Variants in SOX6 observed in about 807,000 individuals in gnomAD.
SOX6 encodes the protein SRY-box transcription factor 6.
A neutral mutation model predicts 97.8 loss-of-function variants in SOX6; 11 were observed. That is an observed-to-expected ratio of 0.11 (90% CI 0.07 to 0.19). SOX6 has a LOEUF of 0.19. SOX6 is among the 10% of genes least tolerant of loss of function. The pLI, the probability that SOX6 is intolerant of heterozygous loss-of-function variation, is 1.00. For missense variants in SOX6, 810 were observed against 1,039.5 expected, an observed-to-expected ratio of 0.78 and a Z score of 3.04; for synonymous variants, 360 against 371.4, an observed-to-expected ratio of 0.97 and a Z score of 0.35.
At chr11:16,060,482 G>C (rs1847920969) in intron 9 of SOX6, among the ~76,000 whole-genome samples, 1 of 151,820 alleles carries the variant, frequency 6.6e-6, no homozygotes, top group South Asian at 2.1e-4. Flanking sequence ...CCTTGAAATA[G>C]AAATCAGAAA....
chr11:16,637,109 AT>A (rs533009162), intron 3 of SOX6, among the ~76,000 whole-genome samples: 1 of 151,774 alleles, frequency 6.6e-6, no homozygotes. Context: ...AAGCTTTTGG[AT>A]TCTTGATCTC....
intron 1 of SOX6, 97 bp from the exon 2 acceptor site, chr11:16,341,349 T>G: frequency 6.7e-7 from 1 of 1,492,598 alleles, no homozygotes; most frequent in Non-Finnish European, 9.0e-7. Context: ...AGGAAAGTTA[T>G]TTAACTTTAG....
At chr11:16,455,818 C>G (rs894373661) in intron 1 of SOX6, among the ~76,000 whole-genome samples, 15 of 151,972 alleles carry the variant, frequency 9.9e-5, no homozygotes, top group African/African-American at 3.6e-4. Context: ...ATATACTTAA[C>G]TATTATATGT....
intron 4 of SOX6, among the ~76,000 whole-genome samples, chr11:16,550,827 A>G (rs1847675581): frequency 6.6e-6 from 1 of 152,244 alleles, no homozygotes; most frequent in African/African-American, 2.4e-5. Flanking sequence ...TAAAGCAACC[A>G]TAATTAAAAA....
intron 3 of SOX6, 65 bp downstream of exon 3, chr11:16,318,381 T>G (rs745768517): frequency 1.2e-5 from 19 of 1,566,842 alleles, no homozygotes; most frequent in Admixed American, 1.7e-5. Context: ...ACTTTTTTTT[T>G]TTTTTTAAGG....
At chr11:16,467,856 A>C (rs1860071324) in intron 1 of SOX6, among the ~76,000 whole-genome samples, 1 of 152,226 alleles carries the variant, frequency 6.6e-6, no homozygotes, top group Non-Finnish European at 1.5e-5. Context: ...AAAGCCAGCT[A>C]TGCCCAATTA....
intron 2 of SOX6, among the ~76,000 whole-genome samples, chr11:16,722,556 C>T (rs1488653490): frequency 6.6e-6 from 1 of 152,002 alleles, no homozygotes; most frequent in African/African-American, 2.4e-5. Context: ...GAGGCTGAGA[C>T]AGGAGAATCA....
At chr11:16,291,491 T>C (rs868284711) in intron 3 of SOX6, among the ~76,000 whole-genome samples, 2 of 151,766 alleles carry the variant, frequency 1.3e-5, no homozygotes, top group African/African-American at 2.4e-5. Flanking sequence ...ACGTTTTTTG[T>C]TGTTGTTGTT....
At chr11:16,289,685 A>G (rs1854853644) in intron 3 of SOX6, among the ~76,000 whole-genome samples, 1 of 152,030 alleles carries the variant, frequency 6.6e-6, no homozygotes, top group African/African-American at 2.4e-5. Flanking sequence ...TTCTAGGTGC[A>G]TCTGGGCTTT....
intron 3 of SOX6, among the ~76,000 whole-genome samples, chr11:16,624,841 T>A (rs757724952): frequency 6.6e-6 from 1 of 152,206 alleles, no homozygotes; most frequent in Non-Finnish European, 1.5e-5. Flanking sequence ...TTCTAGAGGA[T>A]GTGTTTTAGT....
chr11:15,982,469 A>G (rs1019505702), intron 15 of SOX6, among the ~76,000 whole-genome samples: 6 of 152,090 alleles, frequency 3.9e-5, no homozygotes, highest in African/African-American at 1.4e-4. Context: ...TTACATCTGT[A>G]TCATGGGGGA....
chr11:16,243,995 G>A (rs550823023), intron 3 of SOX6, among the ~76,000 whole-genome samples: 2 of 152,032 alleles, frequency 1.3e-5, no homozygotes, highest in African/African-American at 4.8e-5. Context: ...TCATTCACAA[G>A]TCTTTTTATG....
intron 6 of SOX6, among the ~76,000 whole-genome samples, chr11:16,176,059 A>AGACGGACG (rs879303702): frequency 6.4e-5 from 8 of 125,970 alleles, no homozygotes; most frequent in African/African-American, 2.0e-4. Context: ...ATGGACGGAC[A>AGACGGACG]GACGGACGGA....
chr11:16,185,557 A>G (rs1168195050), intron 5 of SOX6, among the ~76,000 whole-genome samples: 3 of 152,148 alleles, frequency 2.0e-5, no homozygotes. Flanking sequence ...TCTGAATTTT[A>G]TTTGCCAATA....
At chr11:16,132,305 AGGAAGGAAGGAAGGAAGGAAG>A (rs1564971872) in intron 6 of SOX6, among the ~76,000 whole-genome samples, 27 of 129,718 alleles carry the variant, frequency 2.1e-4, no homozygotes, top group African/African-American at 7.9e-4. Context: ...GAAGGAAGGA[AGGAAGGAAGGAAGGAAGGAAG>A]GAAGGAAAGA....
At chr11:15,988,264 T>C (rs1465486421) in intron 14 of SOX6, among the ~76,000 whole-genome samples, 1 of 152,160 alleles carries the variant, frequency 6.6e-6, no homozygotes, top group Non-Finnish European at 1.5e-5. Context: ...TTGAGCACAA[T>C]AATTCCAAGC....
intron 3 of SOX6, among the ~76,000 whole-genome samples, chr11:16,275,867 AAAAATAT>A (rs1358274714): frequency 6.6e-6 from 1 of 152,222 alleles, no homozygotes; most frequent in African/African-American, 2.4e-5. Flanking sequence ...ACAAAGGATC[AAAAATAT>A]AAATAGATTC....
chr11:16,201,834 C>T lies in SOX6; in HGVS notation c.536-14879G>A, dbSNP rs1028553976. ...ATTTTTAGTAGAGACGGGGTTTCAC[C>T]GTTTTAGCCGGGATGGTCTCGATCT... On this transcript the variant is annotated intron_variant, in intron 4 of 15. Coordinates refer to ENST00000683767, the MANE Select transcript of SOX6 (RefSeq NM_001367873.1). 2.4e-4 allele frequency among the ~76,000 whole-genome samples: 32 copies of T among 136,104 alleles called. 3 individuals are homozygous for T. Among genetic ancestry groups the T allele is most frequent in the Admixed American group, 1.9e-3 (23 of 12,348 alleles). 89.3% of individuals were successfully genotyped at this position (136,104 alleles called of 152,430 possible).
At chr11:16,073,832 T>G (rs563006341) in intron 9 of SOX6, among the ~76,000 whole-genome samples, 1 of 152,220 alleles carries the variant, frequency 6.6e-6, no homozygotes, top group Non-Finnish European at 1.5e-5. Context: ...AACATGCTCC[T>G]GGATGACTTT....
Sources: gnomAD v4.1 joint callset for allele counts (sites outside exome capture counted in the v4.1 genomes callset) on GRCh38, gnomAD v4.1.1 for gene constraint, MANE v1.5 for transcripts, NCBI Gene and HGNC (gene_info 2026-07-23, HGNC 2026-07-21) for gene names.